Variants in TMEM132E observed in about 807,000 individuals in gnomAD.
The protein encoded by TMEM132E is transmembrane protein 132E.
A neutral mutation model predicts 78.5 loss-of-function variants in TMEM132E; 49 were observed. That is an observed-to-expected ratio of 0.62 (90% CI 0.50 to 0.79). The LOEUF is 0.79. Ranked by LOEUF, TMEM132E falls within the 30% of genes least tolerant of loss-of-function variation. The pLI, the probability that TMEM132E is intolerant of heterozygous loss-of-function variation, is 0.00. For synonymous variants in TMEM132E, 715 were observed against 670.6 expected (o/e 1.07, Z -1.02); for missense variants, 1,403 against 1,470.9 (o/e 0.95, Z 0.75).
intron 1 of TMEM132E, among the ~76,000 whole-genome samples, chr17:34,587,539 G>C (rs945223072): frequency 6.6e-6 from 1 of 152,150 alleles, no homozygotes; most frequent in Non-Finnish European, 1.5e-5. Context: ...ACTTTGCCCA[G>C]AGACTGAGGA....
At chr17:34,595,090 A>C (rs1228384009) in intron 1 of TMEM132E, among the ~76,000 whole-genome samples, 2 of 152,242 alleles carry the variant, frequency 1.3e-5, no homozygotes, top group East Asian at 3.8e-4. Context: ...ATTCTGTAGG[A>C]ACCACTGCCA....
At chr17:34,604,299 C>A (rs1443958776) in intron 1 of TMEM132E, among the ~76,000 whole-genome samples, 1 of 152,162 alleles carries the variant, frequency 6.6e-6, no homozygotes, top group Non-Finnish European at 1.5e-5. Context: ...CCACATCTCT[C>A]CCCTGGACCA....
chr17:34,629,143 G>A lies in TMEM132E; in HGVS notation c.1277G>A (p.Arg426Gln), dbSNP rs759110289. 1.9e-5 allele frequency: 31 copies of A among 1,613,890 alleles called. No individual in the cohort carries two copies. Among genetic ancestry groups the A allele is most frequent in the Admixed American group, 5.0e-5 (3 of 59,988 alleles). ...RGHGALPDLE[R>Q]AVTELTVIQR... ...CACGGCGCCCTGCCTGACCTGGAGCGGGCAGTCACTGAGCTGACGGTCATT... is the reference window on the plus strand; with the variant it reads ...CACGGCGCCCTGCCTGACCTGGAGCAGGCAGTCACTGAGCTGACGGTCATT... Residue 426 changes from arginine to glutamine, a missense_variant, in exon 4 of 9, where the codon CGG becomes CAG. Transcript: ENST00000631683.
chr17:34,635,092 G>C lies in TMEM132E; in HGVS notation c.1977+5G>C. 1 of 1,606,564 alleles carries C rather than the reference G, an allele frequency of 6.2e-7. No homozygotes were observed. The highest frequency in any genetic ancestry group is 8.5e-7 in the Non-Finnish European group (1 of 1,175,856). On this transcript the variant is annotated splice_donor_5th_base_variant and intron_variant, in intron 7 of 8. Transcript: ENST00000631683. Reference sequence around the variant, plus strand: ...CCAGGCACCACCCCCTTTAAGGTAGGTATGGGCTCTGTCCCAGCACAAAGG... The same window carrying C: ...CCAGGCACCACCCCCTTTAAGGTAGCTATGGGCTCTGTCCCAGCACAAAGG...
chr17:34,630,580 G>A (rs918040039), intron 5 of TMEM132E, among the ~76,000 whole-genome samples: 103 of 152,138 alleles, frequency 6.8e-4, no homozygotes, highest in Non-Finnish European at 1.9e-4. Flanking sequence ...GCAGCAGGGG[G>A]TGGGTGAGGG....
At chr17:34,594,069 A>T (rs1333052410) in intron 1 of TMEM132E, among the ~76,000 whole-genome samples, 2 of 152,080 alleles carry the variant, frequency 1.3e-5, no homozygotes, top group Non-Finnish European at 2.9e-5. Flanking sequence ...AGCCCTGTGC[A>T]CTTTCACTCT....
At chr17:34,591,928 G>A (rs953360935) in intron 1 of TMEM132E, among the ~76,000 whole-genome samples, 3 of 152,218 alleles carry the variant, frequency 2.0e-5, no homozygotes, top group African/African-American at 7.2e-5. Flanking sequence ...CCGCATGAAT[G>A]AGATCCCACG....
intron 1 of TMEM132E, among the ~76,000 whole-genome samples, chr17:34,595,359 CA>C (rs753412624): frequency 9.2e-5 from 14 of 152,202 alleles, no homozygotes; most frequent in Non-Finnish European, 2.1e-4. Flanking sequence ...TGTAAAGTAC[CA>C]GCATGTGCCT....
In TMEM132E at chr17:34,626,822, G is replaced by A. The variant is rs775469705; in HGVS notation, c.763G>A (p.Gly255Arg). The change falls in exon 2 of 9, where the codon GGG becomes AGG. Residue 255 changes from glycine to arginine, a missense_variant. Transcript: ENST00000631683. ...CGGSRRGAGPGVGARAESPTQ... is the reference protein window; with the variant it reads ...CGGSRRGAGPRVGARAESPTQ... ...GGGCTCCCGCCGGGGGGCCGGGCCC[G>A]GGGTGGGGGCCCGAGCGGAAAGCCC... is the stretch of plus-strand genomic sequence containing the variant. 7.8e-6 allele frequency: 12 copies of A among 1,545,778 alleles called. No individual in the cohort carries two copies. The highest frequency in any genetic ancestry group is 2.3e-5 in the South Asian group (2 of 85,424).
chr17:34,587,132 T>C (rs1905706746), intron 1 of TMEM132E, among the ~76,000 whole-genome samples: 1 of 152,184 alleles, frequency 6.6e-6, no homozygotes, highest in South Asian at 2.1e-4. Context: ...ATGGATAGGA[T>C]GACTCCTAAA....
At chr17:34,602,349 C>T (rs1323303146) in intron 1 of TMEM132E, among the ~76,000 whole-genome samples, 5 of 152,256 alleles carry the variant, frequency 3.3e-5, no homozygotes, top group African/African-American at 1.2e-4. Flanking sequence ...ACACAAGGCT[C>T]TGTCCATTCT....
intron 1 of TMEM132E, among the ~76,000 whole-genome samples, chr17:34,616,576 G>C (rs989934403): frequency 6.6e-6 from 1 of 152,230 alleles, no homozygotes; most frequent in African/African-American, 2.4e-5. Flanking sequence ...ACGGTGGAGA[G>C]AGGAAAGTGG....
chr17:34,637,578 G>A lies in TMEM132E; in HGVS notation c.2571G>A (p.Pro857=), dbSNP rs1488515633. ...SALPAPEAPG[P]GTASPVVPPT... is the part of the protein sequence containing the mutation. ...TACCCGCACCGGAGGCTCCAGGCCC[G>A]GGCACCGCCAGCCCCGTCGTGCCAC... The change falls in exon 9 of 9, where the codon CCG becomes CCA. Residue 857 remains proline (P), a synonymous_variant. Coordinates refer to ENST00000631683, the MANE Select transcript of TMEM132E (RefSeq NM_001304438.2). 6.2e-7 allele frequency: 1 copy of A among 1,600,242 alleles called. No homozygotes were observed. Among genetic ancestry groups the A allele is most frequent in the Admixed American group, 1.7e-5 (1 of 59,636 alleles).
chr17:34,606,302 G>A (rs1162213017), intron 1 of TMEM132E, among the ~76,000 whole-genome samples: 2 of 152,134 alleles, frequency 1.3e-5, no homozygotes, highest in South Asian at 2.1e-4. Context: ...AGCCGAGATC[G>A]CACCATTGCA....
At chr17:34,616,258 C>T (rs1906775922) in intron 1 of TMEM132E, among the ~76,000 whole-genome samples, 1 of 152,068 alleles carries the variant, frequency 6.6e-6, no homozygotes, top group Non-Finnish European at 1.5e-5. Flanking sequence ...TCCTGCTGGC[C>T]CCTCCCCACA....
chr17:34,596,072 A>ACACACACACACACG (rs369148259), intron 1 of TMEM132E, among the ~76,000 whole-genome samples: 13 of 149,166 alleles, frequency 8.7e-5, no homozygotes, highest in African/African-American at 3.0e-4. Flanking sequence ...ACACACGCAC[A>ACACACACACACACG]ACTTGCATTC....
chr17:34,629,548 A>G (rs1182899934), intron 4 of TMEM132E, among the ~76,000 whole-genome samples: 2 of 152,052 alleles, frequency 1.3e-5, no homozygotes, highest in Non-Finnish European at 2.9e-5. Context: ...CAGGCAGGGC[A>G]TTACTTGGGC....
intron 1 of TMEM132E, among the ~76,000 whole-genome samples, chr17:34,616,310 GGT>G (rs1231094869): frequency 6.6e-6 from 1 of 152,186 alleles, no homozygotes; most frequent in African/African-American, 2.4e-5. Flanking sequence ...CAAGCATGGG[GGT>G]GGGGTGGATA....
chr17:34,625,142 C>T (rs1230798029), intron 1 of TMEM132E, among the ~76,000 whole-genome samples: 1 of 152,144 alleles, frequency 6.6e-6, no homozygotes, highest in African/African-American at 2.4e-5. Context: ...AGGGGAGACC[C>T]TATTGGCCAG....
Sources: gnomAD v4.1 joint callset for allele counts (sites outside exome capture counted in the v4.1 genomes callset) on GRCh38, gnomAD v4.1.1 for gene constraint, MANE v1.5 for transcripts, NCBI Gene and HGNC (gene_info 2026-07-23, HGNC 2026-07-21) for gene names.